The following DCDC2C variants were observed in gnomAD, a reference collection of about 807,000 sequenced individuals.
DCDC2C encodes doublecortin domain-containing protein 2C.
In DCDC2C, 44 loss-of-function variants were observed where a neutral mutation model predicts 45.0. That is an observed-to-expected ratio of 0.98 (90% CI 0.77 to 1.26). The LOEUF is 1.26. DCDC2C is among the 50% of genes most tolerant of loss of function. DCDC2C has a pLI of 0.00. For missense variants in DCDC2C, 447 were observed against 468.9 expected (o/e 0.95, Z 0.43); for synonymous variants, 187 against 178.8 (o/e 1.05, Z -0.37).
At chr2:3,708,626 T>TC (rs1558556849) in intron 2 of DCDC2C, 26 bp downstream of exon 2, 21 of 1,525,428 alleles carry the variant, frequency 1.4e-5, no homozygotes, top group Non-Finnish European at 1.9e-5. Flanking sequence ...TAACAACTAA[T>TC]AATGGAATAA....
chr2:3,792,915 C>T (rs1670857973), intron 10 of DCDC2C, among the ~76,000 whole-genome samples: 1 of 152,182 alleles, frequency 6.6e-6, no homozygotes, highest in African/African-American at 2.4e-5. Context: ...TTCAGGGAAC[C>T]TGGCAGCTTT....
intron 3 of DCDC2C, among the ~76,000 whole-genome samples, chr2:3,741,585 A>G (rs1281309702): frequency 6.6e-6 from 1 of 152,150 alleles, no homozygotes; most frequent in African/African-American, 2.4e-5. Context: ...TGAGGGGGAC[A>G]AGAGAACTTT....
At chr2:3,840,184 T>A (rs1312276888) in intron 10 of DCDC2C, among the ~76,000 whole-genome samples, 1 of 152,252 alleles carries the variant, frequency 6.6e-6, no homozygotes, top group Non-Finnish European at 1.5e-5. Context: ...TTTACTGCTA[T>A]TTACTATTGA....
intron 10 of DCDC2C, among the ~76,000 whole-genome samples, chr2:3,827,297 G>A (rs1015995281): frequency 2.3e-4 from 35 of 152,192 alleles, no homozygotes; most frequent in African/African-American, 6.5e-4. Context: ...CACGTGGAAG[G>A]GGAGGCAGCA....
chr2:3,787,493 T>C (rs1670685914), intron 10 of DCDC2C, among the ~76,000 whole-genome samples: 2 of 152,228 alleles, frequency 1.3e-5, no homozygotes, highest in African/African-American at 4.8e-5. Context: ...TCTAAAGTCT[T>C]TGAAAGAAGG....
Position 3,725,022 on chromosome 2 carries a change from T to C in DCDC2C, c.340-1981T>C, listed in dbSNP as rs141419485. On this transcript the variant is annotated intron_variant, in intron 2 of 10. Coordinates refer to ENST00000399143, the MANE Select transcript of DCDC2C (RefSeq NM_001287444.2). Reference sequence around the variant, plus strand: ...GGGGGCTGCAGCTTGGAGGGGAGGGTGTGGATTAGCAGCGTTAGGTGTGGA... The same window carrying C: ...GGGGGCTGCAGCTTGGAGGGGAGGGCGTGGATTAGCAGCGTTAGGTGTGGA... Among the ~76,000 whole-genome samples the C allele has an allele frequency of 1.3e-4, 20 of 150,840 alleles. No individual in the cohort carries two copies. In the East Asian group the frequency reaches 3.7e-3, roughly 28 times the overall value.
intron 10 of DCDC2C, among the ~76,000 whole-genome samples, chr2:3,822,447 T>C: frequency 6.6e-6 from 1 of 152,144 alleles, no homozygotes; most frequent in East Asian, 1.9e-4. Flanking sequence ...CTTATTTCTG[T>C]GAAGTCAATA....
At chr2:3,815,513 AT>A (rs1391617760) in intron 10 of DCDC2C, among the ~76,000 whole-genome samples, 1 of 152,058 alleles carries the variant, frequency 6.6e-6, no homozygotes. Flanking sequence ...CTTTTTGCAA[AT>A]TCTTTGGGAT....
chr2:3,829,963 TG>T (rs1671913113), intron 10 of DCDC2C, among the ~76,000 whole-genome samples: 1 of 152,206 alleles, frequency 6.6e-6, no homozygotes, highest in Non-Finnish European at 1.5e-5. Flanking sequence ...GCTTCTGTTG[TG>T]GAATGGAAGT....
At chr2:3,718,416 C>T (rs1264459372) in intron 2 of DCDC2C, among the ~76,000 whole-genome samples, 1 of 152,098 alleles carries the variant, frequency 6.6e-6, no homozygotes, top group Non-Finnish European at 1.5e-5. Flanking sequence ...CATCAGTTCT[C>T]CTTATATTTT....
At position 3,734,078 on chromosome 2, in the gene DCDC2C, T is replaced by C. The variant is rs1460680251; in HGVS notation, c.416+6999T>C. Reference sequence around the variant, plus strand: ...GTAACAGTGCCTCCAGAAGTTCTGCTATTTGACTGGGCTACCGGCTGCTGT... The same window carrying C: ...GTAACAGTGCCTCCAGAAGTTCTGCCATTTGACTGGGCTACCGGCTGCTGT... On this transcript the variant is annotated intron_variant, in intron 3 of 10. Coordinates refer to ENST00000399143, the MANE Select transcript of DCDC2C (RefSeq NM_001287444.2). This position sits in a 1 kb window ranked among gnomAD's most constrained non-coding sequence, Gnocchi z 4.2. 6.6e-6 allele frequency among the ~76,000 whole-genome samples: 1 copy of C among 152,242 alleles called. No individual in the cohort carries two copies.
At chr2:3,821,359 C>A (rs886230231) in intron 10 of DCDC2C, among the ~76,000 whole-genome samples, 1 of 152,118 alleles carries the variant, frequency 6.6e-6, no homozygotes, top group Non-Finnish European at 1.5e-5. Flanking sequence ...TAAATCAAGA[C>A]CATATTATGT....
rs185312022 is a variant in DCDC2C, at chr2:3,818,040, T to C, written c.1066-29114T>C. On this transcript the variant is annotated intron_variant, in intron 10 of 10. Coordinates refer to ENST00000399143, the MANE Select transcript of DCDC2C (RefSeq NM_001287444.2). The surrounding 1 kb of genome is among the most constrained non-coding windows in gnomAD (Gnocchi z 4.7). ...TGAAGAATTATGCCAAAATAGATAA[T>C]GGATGAGGAAGAAATTTGGGCTTTG... Among the ~76,000 whole-genome samples, 2 of 152,106 alleles carry C rather than the reference T, an allele frequency of 1.3e-5. No individual in the cohort carries two copies. The highest frequency in any genetic ancestry group is 1.3e-4 in the Admixed American group (2 of 15,278).
chr2:3,737,902 A>G (rs762413037), intron 3 of DCDC2C, among the ~76,000 whole-genome samples: 5 of 152,238 alleles, frequency 3.3e-5, no homozygotes, highest in Non-Finnish European at 7.3e-5. Context: ...ACTAAAAATT[A>G]AGTAGCAACA....
At chr2:3,764,059 AG>A (rs1345376494) in intron 6 of DCDC2C, among the ~76,000 whole-genome samples, 1 of 152,260 alleles carries the variant, frequency 6.6e-6, no homozygotes, top group East Asian at 1.9e-4. Flanking sequence ...AGACTAAATT[AG>A]AATTGTAATG....
chr2:3,724,890 G>A (rs1218402886), intron 2 of DCDC2C, among the ~76,000 whole-genome samples: 1 of 152,194 alleles, frequency 6.6e-6, no homozygotes, highest in Non-Finnish European at 1.5e-5. Context: ...TGGGAAGTGA[G>A]GGAGGGACAC....
At chr2:3,716,336 G>A (rs1195412705) in intron 2 of DCDC2C, among the ~76,000 whole-genome samples, 3 of 152,086 alleles carry the variant, frequency 2.0e-5, no homozygotes, top group Non-Finnish European at 2.9e-5. Flanking sequence ...GAGACAGGGT[G>A]GGCCATCTGT....
At chr2:3,705,708 G>C (rs10176343) in intron 1 of DCDC2C, among the ~76,000 whole-genome samples, 79,776 of 152,054 alleles carry the variant, frequency 0.52, 22,210 homozygotes, top group African/African-American at 0.72. Flanking sequence ...TAACCAGACC[G>C]TGTTGTACCT....
chr2:3,722,058 TATCTC>T (rs951920255), intron 2 of DCDC2C, among the ~76,000 whole-genome samples: 2 of 152,250 alleles, frequency 1.3e-5, no homozygotes, highest in Non-Finnish European at 2.9e-5. Flanking sequence ...GACAATGTGT[TATCTC>T]ATTTCGTGTT....
Sources: allele counts gnomAD v4.1 joint callset (sites outside exome capture counted in the v4.1 genomes callset), GRCh38; gene constraint gnomAD v4.1.1; non-coding constraint Gnocchi (gnomAD v3.1); transcripts MANE v1.5; gene names NCBI Gene and HGNC (gene_info 2026-07-23, HGNC 2026-07-21).